Variants in AFF1 observed in about 807,000 individuals in gnomAD.
The protein encoded by AFF1 is ALF transcription elongation factor 1, also known as AF4/FMR2 family member 1.
In AFF1, 48 loss-of-function variants were observed where a neutral mutation model predicts 121.7. The ratio of observed to expected loss-of-function variants is 0.39; its 90% CI spans 0.31 to 0.50. AFF1 has a LOEUF of 0.50. Ranked by LOEUF, AFF1 falls within the 20% of genes least tolerant of loss-of-function variation. The pLI, the probability that AFF1 is intolerant of heterozygous loss-of-function variation, is 0.76. For missense variants in AFF1, 1,523 were observed against 1,511.7 expected, an observed-to-expected ratio of 1.01 and a Z score of -0.12; for synonymous variants, 613 against 563.0, an observed-to-expected ratio of 1.09 and a Z score of -1.26.
chr4:86,950,008 T>C (rs1423824071), intron 2 of AFF1: 2 of 1,613,866 alleles, frequency 1.2e-6, no homozygotes, highest in African/African-American at 2.7e-5. Context: ...CGAGCGCCAG[T>C]TTCACCTGCT....
At chr4:87,009,831 G>C (rs1726551900) in intron 2 of AFF1, among the ~76,000 whole-genome samples, 1 of 152,208 alleles carries the variant, frequency 6.6e-6, no homozygotes, top group South Asian at 2.1e-4. Flanking sequence ...ATCTCAGGTA[G>C]TGAAATCTTG....
intron 1 of AFF1, 104 bp from the exon 2 acceptor site, chr4:86,948,394 A>T: frequency 1.4e-6 from 1 of 699,988 alleles, no homozygotes; most frequent in Non-Finnish European, 2.3e-6. Context: ...AATTCAAATG[A>T]GAACTTGGAA....
chr4:87,121,408 C>T (rs1017305156), intron 12 of AFF1, among the ~76,000 whole-genome samples: 1 of 152,202 alleles, frequency 6.6e-6, no homozygotes, highest in Non-Finnish European at 1.5e-5. Flanking sequence ...TGACCCTTTC[C>T]TACATCCATC....
chr4:87,128,558 T>G (rs149196024), intron 16 of AFF1, among the ~76,000 whole-genome samples: 6 of 152,288 alleles, frequency 3.9e-5, no homozygotes, highest in Admixed American at 2.6e-4. Context: ...GTTGCCTTTT[T>G]TGGTTCACAT....
chr4:86,961,592 G>A (rs370112095), intron 2 of AFF1, among the ~76,000 whole-genome samples: 2 of 151,538 alleles, frequency 1.3e-5, no homozygotes, highest in Admixed American at 6.6e-5. Flanking sequence ...GGGAAGGGGG[G>A]GCTGAGTGAT....
chr4:86,985,810 G>T (rs948431936), intron 2 of AFF1, among the ~76,000 whole-genome samples: 52 of 151,820 alleles, frequency 3.4e-4, no homozygotes, highest in African/African-American at 1.2e-3. Context: ...CTAGTTTTTT[G>T]AATAAGCTGT....
rs879167025 is a variant in AFF1 at position 86,949,985 on chromosome 4, A to G, written c.38+1414A>G. ...GATGGAGAAGTTGCCGAGCTGGCAG[A>G]TCACAAAGATGGCGAGCGCCAGTTT... On this transcript the variant is annotated intron_variant, in intron 2 of 20. Transcript: ENST00000395146. 4.3e-6 allele frequency: 7 copies of G among 1,614,138 alleles called. No individual in the cohort carries two copies. The South Asian group carries it at 6.6e-5, about 15-fold the overall frequency.
At chr4:87,082,812 G>A (rs17012391) in intron 4 of AFF1, among the ~76,000 whole-genome samples, 7,771 of 152,272 alleles carry the variant, frequency 0.051, 677 homozygotes, top group African/African-American at 0.18. Context: ...CATCCATGGA[G>A]TGAATTGGAA....
intron 2 of AFF1, among the ~76,000 whole-genome samples, chr4:87,001,059 G>T (rs931444388): frequency 6.6e-6 from 1 of 152,060 alleles, no homozygotes; most frequent in South Asian, 2.1e-4. Context: ...GTTTAATGAG[G>T]ATCTATCTAT....
chr4:86,979,557 T>C (rs2149489030), intron 2 of AFF1, among the ~76,000 whole-genome samples: 1 of 152,354 alleles, frequency 6.6e-6, no homozygotes, highest in Middle Eastern at 3.4e-3. Flanking sequence ...GTCCTTTTTA[T>C]CTTTGTGAAA....
In AFF1 at chr4:87,001,207, CTTTTTTT is replaced by C. The variant is rs34072831; in HGVS notation, c.39-44938_39-44932del. Among the ~76,000 whole-genome samples, 44 of 60,316 alleles carry C rather than the reference CTTTTTTT, an allele frequency of 7.3e-4. 1 individual carries two copies. Among genetic ancestry groups the C allele is most frequent in the Non-Finnish European group, 1.2e-3 (39 of 33,310 alleles). 39.6% of individuals were successfully genotyped at this position (60,316 alleles called of 152,430 possible). Reference sequence around the variant, plus strand: ...TGAGAGGACTGCTTTCCTTTTTCTACTTTTTTTTTTTTTTTTTTTTTTTTTTTGGTGA... The same window carrying C: ...TGAGAGGACTGCTTTCCTTTTTCTACTTTTTTTTTTTTTTTTTTTTGGTGA... On this transcript the variant is annotated intron_variant, in intron 2 of 20. Coordinates refer to ENST00000395146, the MANE Select transcript of AFF1 (RefSeq NM_001166693.3).
chr4:86,956,301 T>C (rs1008923221), intron 2 of AFF1, among the ~76,000 whole-genome samples: 1 of 152,200 alleles, frequency 6.6e-6, no homozygotes. Flanking sequence ...TAGAAGAGTT[T>C]AGATTCAGAC....
Position 86,963,800 on chromosome 4 carries a change from C to CT in AFF1, c.38+15241dup, listed in dbSNP as rs71660104. On this transcript the variant is annotated intron_variant, in intron 2 of 20. Transcript: ENST00000395146. ...GAAATACCACCTTTTCTTTTCATTT[C>CT]TTTTTTTTTTTTGAGACAGTGTCTC... is the stretch of plus-strand genomic sequence containing the variant. 2.8e-3 allele frequency among the ~76,000 whole-genome samples: 403 copies of CT among 143,876 alleles called. 4 individuals are homozygous for CT. The highest frequency in any genetic ancestry group is 7.9e-3 in the East Asian group (39 of 4,930). The allele number at this position is 143,876 out of a possible 152,430, so 94.4% of individuals were successfully genotyped here.
chr4:87,122,853 TATAA>T (rs1727835280), intron 12 of AFF1, among the ~76,000 whole-genome samples: 1 of 74,856 alleles, frequency 1.3e-5, no homozygotes, highest in Non-Finnish European at 2.7e-5. Context: ...CATTAAAAAC[TATAA>T]AAGGGGAGGA....
Position 87,047,460 on chromosome 4 carries a change from C to T in AFF1, c.925C>T (p.Gln309Ter). The part of the protein sequence containing the change: ...AYVRPMDGQD[Q>*]APSESPELKP... ...TGTCCGGCCCATGGATGGTCAAGAT[C>T]AGGCCCCTAGTGAATCCCCTGAACT... The change falls in exon 4 of 21, where the codon CAG becomes TAG. Residue 309 changes from glutamine (Q) to a stop codon, truncating the protein, a stop_gained. Coordinates refer to ENST00000395146, the MANE Select transcript of AFF1 (RefSeq NM_001166693.3). LOFTEE classifies it high-confidence loss of function. 1 of 1,614,184 alleles carries T rather than the reference C, an allele frequency of 6.2e-7. No homozygotes were observed.
At chr4:86,997,155 G>A (rs563710343) in intron 2 of AFF1, among the ~76,000 whole-genome samples, 2 of 152,202 alleles carry the variant, frequency 1.3e-5, no homozygotes, top group African/African-American at 2.4e-5. Flanking sequence ...CAGGTGATCC[G>A]CCCGCCTTGG....
At position 87,046,810 on chromosome 4, in the gene AFF1, A is replaced by G; in HGVS notation, c.275A>G (p.Asn92Ser). 4 of 1,614,232 alleles carry G rather than the reference A, an allele frequency of 2.5e-6. No individual in the cohort carries two copies. The highest frequency in any genetic ancestry group is 2.5e-6 in the Non-Finnish European group (3 of 1,180,042). Residue 92 changes from asparagine (N) to serine (S), a missense_variant, in exon 4 of 21, where the codon AAT becomes AGT. Around this residue, in one of 5 missense-constraint regions of AFF1, gnomAD observed 369 missense variants for 367.2 expected, o/e 1.00. Transcript: ENST00000395146. ...ACTCATCGCCTGGATGCTTCTGAAA[A>G]TAGGTTGGGAAAGCCGAAATATCCT... ...SHTHRLDASE[N>S]RLGKPKYPLI...
chr4:86,989,023 T>C (rs1015442061), intron 2 of AFF1, among the ~76,000 whole-genome samples: 3 of 152,090 alleles, frequency 2.0e-5, no homozygotes, highest in Admixed American at 1.3e-4. Context: ...TTACACCTTA[T>C]ACAAAAATTA....
intron 2 of AFF1, among the ~76,000 whole-genome samples, chr4:87,026,641 C>T (rs1306453393): frequency 6.6e-6 from 1 of 152,090 alleles, no homozygotes; most frequent in African/African-American, 2.4e-5. Flanking sequence ...TCTAAAAGAG[C>T]AAGGAAAGAA....
Sources: allele counts gnomAD v4.1 joint callset (sites outside exome capture counted in the v4.1 genomes callset), GRCh38; gene constraint gnomAD v4.1.1; regional missense constraint gnomAD v4.1.1; transcripts MANE v1.5; gene names NCBI Gene and HGNC (gene_info 2026-07-23, HGNC 2026-07-21).